The following SMOC2 variants were observed in gnomAD, a reference collection of about 807,000 sequenced individuals.
SMOC2 encodes the protein SPARC related modular calcium binding 2, also known as SPARC-related modular calcium-binding protein 2.
A neutral mutation model predicts 61.4 loss-of-function variants in SMOC2; 39 were observed. The ratio of observed to expected loss-of-function variants is 0.64; its 90% CI spans 0.49 to 0.83. The LOEUF is 0.83. Among genes scored for constraint, SMOC2 ranks in the 40% least tolerant of loss-of-function variants. The pLI is 0.00. For synonymous variants in SMOC2, 247 were observed against 239.9 expected (o/e 1.03, Z -0.27); for missense variants, 556 against 592.9 (o/e 0.94, Z 0.65).
chr6:168,514,552 A>G (rs5016787), intron 2 of SMOC2, among the ~76,000 whole-genome samples: 136,378 of 152,288 alleles, frequency 0.9, 61,991 homozygotes, highest in East Asian at 1. Context: ...GTGATTTGAT[A>G]CCTTGGCTGT....
chr6:168,598,991 G>C lies in SMOC2; in HGVS notation c.811G>C (p.Gly271Arg), dbSNP rs764245780. The C allele has an allele frequency of 4.2e-5, 68 of 1,604,552 alleles. No individual in the cohort carries two copies. Among genetic ancestry groups the C allele is most frequent in the Non-Finnish European group, 4.5e-5 (53 of 1,175,376 alleles). The change falls in exon 8 of 13, where the codon GGC becomes CGC. Residue 271 changes from glycine (G) to arginine (R), a missense_variant. Transcript: ENST00000356284. ...GGTGGACACGGGGCGCCCCATTCCC[G>C]GCACATCCACAAGGTAAATAGGGTG... ...VLVDTGRPIP[G>R]TSTRYEQPKC...
At position 168,629,452 on chromosome 6, in the gene SMOC2, G is replaced by A. The variant is rs541121131; in HGVS notation, c.907+21213G>A. The stretch of plus-strand genomic sequence containing the variant: ...CAGGGCACCTGTCGCCACAGGACAG[G>A]CTGATTGGGTGCCGGGCTGCCTGAG... On this transcript the variant is annotated intron_variant, in intron 9 of 12. Transcript: ENST00000356284. 1.1e-4 allele frequency among the ~76,000 whole-genome samples: 17 copies of A among 152,352 alleles called. No individual in the cohort carries two copies. In the South Asian group the frequency reaches 3.3e-3, roughly 30 times the overall value.
At chr6:168,451,919 C>G (rs1435009712) in intron 1 of SMOC2, among the ~76,000 whole-genome samples, 3 of 152,218 alleles carry the variant, frequency 2.0e-5, no homozygotes, top group Non-Finnish European at 4.4e-5. Context: ...CTGGAAACAT[C>G]CAGGTGCAAT....
At chr6:168,569,691 G>A (rs985313690) in intron 7 of SMOC2, among the ~76,000 whole-genome samples, 4 of 152,142 alleles carry the variant, frequency 2.6e-5, no homozygotes. Flanking sequence ...CTATCTGCCT[G>A]TCTCGGCCTT....
chr6:168,615,184 C>G (rs4489132), intron 9 of SMOC2, among the ~76,000 whole-genome samples: 1 of 23,174 alleles, frequency 4.3e-5, no homozygotes, highest in Non-Finnish European at 8.1e-5. Flanking sequence ...GGCCTCTTCA[C>G]ACCTACAGCC....
At chr6:168,469,233 G>A (rs974675667) in intron 1 of SMOC2, among the ~76,000 whole-genome samples, 1 of 152,230 alleles carries the variant, frequency 6.6e-6, no homozygotes, top group Non-Finnish European at 1.5e-5. Context: ...TCCTTCCAGG[G>A]CCTTGCCACT....
intron 9 of SMOC2, among the ~76,000 whole-genome samples, chr6:168,616,865 G>A (rs60289386): frequency 0.25 from 38,472 of 152,050 alleles, 4,962 homozygotes; most frequent in Non-Finnish European, 0.27. Flanking sequence ...GGTGTCTGTG[G>A]AGCATCCCGA....
At chr6:168,656,058 T>C (rs1787315022) in intron 11 of SMOC2, among the ~76,000 whole-genome samples, 1 of 152,264 alleles carries the variant, frequency 6.6e-6, no homozygotes, top group African/African-American at 2.4e-5. Flanking sequence ...CTTGGGGATC[T>C]GTTTCCTGAT....
At chr6:168,626,284 A>G (rs748219495) in intron 9 of SMOC2, among the ~76,000 whole-genome samples, 2 of 152,188 alleles carry the variant, frequency 1.3e-5, no homozygotes, top group Admixed American at 6.5e-5. Flanking sequence ...AGTCTTCACC[A>G]CTGTGGCTTG....
At chr6:168,590,073 C>T (rs1370990579) in intron 7 of SMOC2, among the ~76,000 whole-genome samples, 1 of 57,640 alleles carries the variant, frequency 1.7e-5, no homozygotes, top group Non-Finnish European at 3.3e-5. Flanking sequence ...AGGGGGCAGC[C>T]GGTCTGGTGG....
At chr6:168,620,019 C>A (rs1786205360) in intron 9 of SMOC2, among the ~76,000 whole-genome samples, 1 of 152,208 alleles carries the variant, frequency 6.6e-6, no homozygotes, top group Non-Finnish European at 1.5e-5. Context: ...GCAGTCACTG[C>A]CTTCAGGTCT....
chr6:168,545,934 C>T (rs1783984843), intron 5 of SMOC2, among the ~76,000 whole-genome samples: 1 of 152,140 alleles, frequency 6.6e-6, no homozygotes, highest in South Asian at 2.1e-4. Context: ...GTAAAATATT[C>T]AACCACAGAA....
At chr6:168,628,825 G>C (rs1786488685) in intron 9 of SMOC2, among the ~76,000 whole-genome samples, 1 of 152,204 alleles carries the variant, frequency 6.6e-6, no homozygotes, top group Non-Finnish European at 1.5e-5. Flanking sequence ...TGCCCCGCCG[G>C]AGAATGAACT....
intron 7 of SMOC2, among the ~76,000 whole-genome samples, chr6:168,582,937 C>T (rs892974357): frequency 3.9e-5 from 6 of 152,086 alleles, no homozygotes; most frequent in African/African-American, 1.2e-4. Flanking sequence ...CTCTCACCCC[C>T]GCCTCCCTCA....
intron 1 of SMOC2, among the ~76,000 whole-genome samples, chr6:168,476,347 T>A (rs1196165663): frequency 6.6e-6 from 1 of 152,090 alleles, no homozygotes; most frequent in African/African-American, 2.4e-5. Context: ...CATGGCAGTT[T>A]CTGTTTTTCA....
Position 168,653,109 on chromosome 6 carries a change from TGAA to T in SMOC2, c.1171_1173del (p.Lys391del). ...AAAAAATCAAAGCCCAAAAAATGTGTGAAGAAGTTTGTTGAATACTGTGACGTG... is the reference window on the plus strand; with the variant it reads ...AAAAAATCAAAGCCCAAAAAATGTGTGAAGTTTGTTGAATACTGTGACGTG... On this transcript the variant is annotated inframe_deletion, in exon 11 of 13. Transcript: ENST00000356284. The T allele has an allele frequency of 1.9e-6, 3 of 1,614,134 alleles. No homozygotes were observed. The highest frequency in any genetic ancestry group is 2.5e-6 in the Non-Finnish European group (3 of 1,180,022).
intron 7 of SMOC2, among the ~76,000 whole-genome samples, chr6:168,560,607 C>T (rs1198795227): frequency 0.011 from 221 of 19,298 alleles, 14 homozygotes; most frequent in East Asian, 0.013. Context: ...TGCCCTGAGA[C>T]ACGAGGCTCT....
intron 1 of SMOC2, among the ~76,000 whole-genome samples, chr6:168,449,540 A>T (rs1052829085): frequency 3.3e-5 from 5 of 152,236 alleles, no homozygotes; most frequent in African/African-American, 1.2e-4. Context: ...ATATTAATTC[A>T]TGCCACATGG....
In SMOC2 at chr6:168,595,018, T is replaced by C. The variant is rs777249141; in HGVS notation, c.638-3800T>C. 5.3e-3 allele frequency among the ~76,000 whole-genome samples: 300 copies of C among 56,358 alleles called. 10 individuals are homozygous for C. The highest frequency in any genetic ancestry group is 6.9e-3 in the Admixed American group (43 of 6,240). 37.0% of individuals were successfully genotyped at this position (56,358 alleles called of 152,430 possible). A position where few individuals can be genotyped will look rare whatever the true frequency, so the allele number is the denominator to read the frequency against. ...GCATCTTTCTAGAGGATCGCCGAGC[T>C]CCTCCTCCTTCCTGAGGCCTCACGA... On this transcript the variant is annotated intron_variant, in intron 7 of 12. Coordinates refer to ENST00000356284, the MANE Select transcript of SMOC2 (RefSeq NM_001166412.2).
Sources: allele counts gnomAD v4.1 joint callset (sites outside exome capture counted in the v4.1 genomes callset), GRCh38; gene constraint gnomAD v4.1.1; transcripts MANE v1.5; gene names NCBI Gene and HGNC (gene_info 2026-07-23, HGNC 2026-07-21).